NDRG3: variants seen among roughly 807,000 people sequenced by gnomAD.
NDRG3 encodes the protein NDRG family member 3.
NDRG3 carries 23 observed loss-of-function variants against 57.2 expected under a neutral mutation model. The ratio of observed to expected loss-of-function variants is 0.40; its 90% CI spans 0.29 to 0.57. The LOEUF (loss-of-function observed/expected upper bound fraction) is 0.57, where lower values mean the gene tolerates loss of function less well. Among genes scored for constraint, NDRG3 ranks in the 20% least tolerant of loss-of-function variants. The pLI, the probability that NDRG3 is intolerant of heterozygous loss-of-function variation, is 0.42. For synonymous variants in NDRG3, 132 were observed against 162.6 expected (o/e 0.81, Z 1.43); for missense variants, 384 against 457.3 (o/e 0.84, Z 1.46).
At chr20:36,722,363 A>G (rs1984641783) in intron 1 of NDRG3, among the ~76,000 whole-genome samples, 2 of 152,330 alleles carry the variant, frequency 1.3e-5, no homozygotes, top group Non-Finnish European at 2.9e-5. Flanking sequence ...TACACAGCCC[A>G]CACCAGACTC....
At chr20:36,728,982 AAAGCGCTGGGATTACAGGTGT>A (rs1216937348) in intron 1 of NDRG3, among the ~76,000 whole-genome samples, 1 of 152,134 alleles carries the variant, frequency 6.6e-6, no homozygotes, top group Non-Finnish European at 1.5e-5. Context: ...TCAGCCTCCC[AAAGCGCTGGGATTACAGGTGT>A]AAGCCACTGC....
intron 3 of NDRG3, among the ~76,000 whole-genome samples, chr20:36,696,043 A>G (rs557183638): frequency 6.6e-6 from 1 of 152,322 alleles, no homozygotes; most frequent in East Asian, 1.9e-4. Flanking sequence ...GGAAAATAGA[A>G]AAGAACCTAC....
At chr20:36,689,957 T>C (rs1308667394) in intron 3 of NDRG3, among the ~76,000 whole-genome samples, 1 of 151,934 alleles carries the variant, frequency 6.6e-6, no homozygotes, top group Non-Finnish European at 1.5e-5. Flanking sequence ...CCTGACCTCA[T>C]GATCCACCCA....
intron 9 of NDRG3, 31 bp downstream of exon 9, chr20:36,671,308 AAC>A (rs1980130102): frequency 6.4e-7 from 1 of 1,573,996 alleles, no homozygotes; most frequent in Non-Finnish European, 8.7e-7. Context: ...CAAGCCAATA[AAC>A]ACAGCTCTTC....
intron 1 of NDRG3, among the ~76,000 whole-genome samples, chr20:36,732,473 T>C (rs1037202350): frequency 1.3e-5 from 2 of 152,176 alleles, no homozygotes; most frequent in African/African-American, 2.4e-5. Flanking sequence ...ATTCTAAACC[T>C]AAATGGGCCC....
At position 36,746,079 on chromosome 20, in the gene NDRG3, A is replaced by AGCGGCGGCGGCGGCGGCGGCGGCGGCG. The variant is rs11466997; in HGVS notation, c.-84_-83insCGCCGCCGCCGCCGCCGCCGCCGCCGC. On this transcript the variant is annotated 5_prime_UTR_variant, in exon 1 of 16. Transcript: ENST00000349004. Reference sequence around the variant, plus strand: ...GGGCACCCGCCGTCAGTGCAGCAGCAGCGGCGGCGGCGGCGGCGGCGGCGG... The same window carrying AGCGGCGGCGGCGGCGGCGGCGGCGGCG: ...GGGCACCCGCCGTCAGTGCAGCAGCAGCGGCGGCGGCGGCGGCGGCGGCGGCGGCGGCGGCGGCGGCGGCGGCGGCGG... 9.0e-5 allele frequency: 22 copies of AGCGGCGGCGGCGGCGGCGGCGGCGGCG among 244,590 alleles called. No homozygotes were observed. The highest frequency in any genetic ancestry group is 4.7e-4 in the African/African-American group (20 of 42,640). 15.2% of individuals were successfully genotyped at this position (244,590 alleles called of 1,614,324 possible). A position where few individuals can be genotyped will look rare whatever the true frequency, so the allele number is the denominator to read the frequency against.
intron 3 of NDRG3, among the ~76,000 whole-genome samples, chr20:36,703,066 C>T (rs1052696590): frequency 8.6e-5 from 13 of 151,984 alleles, no homozygotes; most frequent in Admixed American, 1.3e-4. Context: ...GTGATCTACC[C>T]GCAGAATTAT....
At chr20:36,733,296 G>A (rs998097496) in intron 1 of NDRG3, among the ~76,000 whole-genome samples, 4 of 150,064 alleles carry the variant, frequency 2.7e-5, no homozygotes, top group Admixed American at 1.3e-4. Flanking sequence ...TTGTTTTACA[G>A]CTTTTTCCCA....
chr20:36,673,127 G>A (rs986370839), intron 8 of NDRG3, among the ~76,000 whole-genome samples: 5 of 152,076 alleles, frequency 3.3e-5, no homozygotes, highest in African/African-American at 1.2e-4. Context: ...CCCTCCCAAA[G>A]TGCTGGGATT....
intron 6 of NDRG3, 114 bp from the exon 7 acceptor site, chr20:36,682,692 T>A (rs1568638330): frequency 8.2e-6 from 7 of 852,622 alleles, no homozygotes; most frequent in Non-Finnish European, 1.3e-5. Flanking sequence ...TTATTAGATG[T>A]GAGAATTTGG....
intron 3 of NDRG3, among the ~76,000 whole-genome samples, chr20:36,697,378 T>TC (rs538891131): frequency 4.6e-5 from 7 of 152,148 alleles, no homozygotes; most frequent in East Asian, 3.9e-4. Context: ...GCAGGTTTTT[T>TC]CCCCCCCAAG....
chr20:36,695,238 C>T lies in NDRG3; in HGVS notation c.94-6454G>A, dbSNP rs572971854. Among the ~76,000 whole-genome samples the T allele has an allele frequency of 3.4e-4, 52 of 152,184 alleles. 1 individual carries two copies. Among genetic ancestry groups the T allele is most frequent in the African/African-American group, 1.1e-3 (44 of 41,512 alleles). On this transcript the variant is annotated intron_variant, in intron 3 of 15. Coordinates refer to ENST00000349004, the MANE Select transcript of NDRG3 (RefSeq NM_032013.4). Reference sequence around the variant, plus strand: ...ATCTTCGTAAGCTGAGGATGTATGTCGCCTCAGGACCCTGTGATGATTGCG... The same window carrying T: ...ATCTTCGTAAGCTGAGGATGTATGTTGCCTCAGGACCCTGTGATGATTGCG...
rs778501560 is a variant in NDRG3, at chr20:36,654,753, G to C, written c.947-1052C>G. 6 of 779,324 alleles carry C rather than the reference G, an allele frequency of 7.7e-6. No individual in the cohort carries two copies. The African/African-American group carries it at 1.0e-4, about 13-fold the overall frequency. The allele number at this position is 779,324 out of a possible 1,614,324, so 48.3% of individuals were successfully genotyped here. On this transcript the variant is annotated intron_variant, in intron 15 of 15. Transcript: ENST00000349004. ...GGACATGCTGCAGGCAGCCAGTGCA[G>C]CCAGGAGAGACTGGAAGGCGGGGCA...
At chr20:36,666,810 A>G (rs1399922908) in intron 9 of NDRG3, among the ~76,000 whole-genome samples, 1 of 152,168 alleles carries the variant, frequency 6.6e-6, no homozygotes, top group Non-Finnish European at 1.5e-5. Flanking sequence ...TATAAACCAT[A>G]AAGTGTAAAA....
At chr20:36,674,862 G>A (rs1454646764) in intron 8 of NDRG3, among the ~76,000 whole-genome samples, 1 of 148,398 alleles carries the variant, frequency 6.7e-6, no homozygotes, top group African/African-American at 2.5e-5. Flanking sequence ...AGGACTACAG[G>A]CATGAGCCAC....
chr20:36,733,192 ATATATATATATG>A (rs1413865081), intron 1 of NDRG3, among the ~76,000 whole-genome samples: 3 of 70,176 alleles, frequency 4.3e-5, no homozygotes, highest in African/African-American at 1.7e-4. Context: ...ATATATATAT[ATATATATATATG>A]CACATATAAA....
chr20:36,705,995 T>G (rs1339269632), intron 3 of NDRG3, among the ~76,000 whole-genome samples: 1 of 152,158 alleles, frequency 6.6e-6, no homozygotes, highest in Non-Finnish European at 1.5e-5. Context: ...TCTGCCCACC[T>G]CAGCCTCCCA....
Position 36,665,079 on chromosome 20 carries a change from C to T in NDRG3, c.777G>A (p.Val259=). Residue 259 remains valine, a synonymous_variant, in exon 12 of 16, where the codon GTG becomes GTA. Coordinates refer to ENST00000349004, the MANE Select transcript of NDRG3 (RefSeq NM_032013.4). ...CAACTGCAGGCGAATTGTCCCCTAC[C>T]ACCAGTAAAGTAGAACACCTAGGTA... ...SKTLKCSTLL[V]VGDNSPAVEA... is the part of the protein sequence containing the mutation. The T allele has an allele frequency of 6.2e-7, 1 of 1,614,118 alleles. No homozygotes were observed. Among genetic ancestry groups the T allele is most frequent in the Non-Finnish European group, 8.5e-7 (1 of 1,179,996 alleles).
intron 15 of NDRG3, among the ~76,000 whole-genome samples, chr20:36,655,596 T>C (rs572394069): frequency 1.3e-5 from 2 of 152,326 alleles, no homozygotes; most frequent in Non-Finnish European, 2.9e-5. Flanking sequence ...TCCTGGAGTC[T>C]CCATTTCATT....
Sources: allele counts gnomAD v4.1 joint callset (sites outside exome capture counted in the v4.1 genomes callset), GRCh38; gene constraint gnomAD v4.1.1; transcripts MANE v1.5; gene names NCBI Gene and HGNC (gene_info 2026-07-23, HGNC 2026-07-21).